RBFOX3: variants seen among roughly 807,000 people sequenced by gnomAD.
RBFOX3 encodes RNA binding protein fox-1 homolog 3.
Under a neutral mutation model 48.7 loss-of-function variants are expected in RBFOX3, and 17 were observed. The observed-to-expected ratio is 0.35, with a 90% CI of 0.24 to 0.52. RBFOX3 has a LOEUF of 0.52. Ranked by LOEUF, RBFOX3 falls within the 20% of genes least tolerant of loss-of-function variation. The pLI is 0.94. For missense variants in RBFOX3, 382 were observed against 497.5 expected (o/e 0.77, Z 2.21); for synonymous variants, 212 against 209.5 (o/e 1.01, Z -0.10).
chr17:79,108,111 T>C (rs2077759077), intron 5 of RBFOX3, among the ~76,000 whole-genome samples: 1 of 152,246 alleles, frequency 6.6e-6, no homozygotes, highest in African/African-American at 2.4e-5. Context: ...CTGGGCCTCC[T>C]GACACTCCCA....
intron 4 of RBFOX3, among the ~76,000 whole-genome samples, chr17:79,210,738 C>G (rs754500470): frequency 2.0e-5 from 3 of 152,240 alleles, no homozygotes; most frequent in African/African-American, 7.2e-5. Context: ...TCCATCTGCA[C>G]GTCTGGTGCC....
At chr17:79,507,310 C>T (rs1174475672) in intron 1 of RBFOX3, among the ~76,000 whole-genome samples, 1 of 152,192 alleles carries the variant, frequency 6.6e-6, no homozygotes, top group African/African-American at 2.4e-5. Context: ...GGGGCAGTCA[C>T]CCCCTGAAGA....
At chr17:79,448,940 TCA>T (rs2072912570) in intron 2 of RBFOX3, among the ~76,000 whole-genome samples, 1 of 152,004 alleles carries the variant, frequency 6.6e-6, no homozygotes, top group African/African-American at 2.4e-5. Flanking sequence ...TGAATTTGGC[TCA>T]GAGTTGACGT....
chr17:79,138,181 G>A (rs2040713387), intron 4 of RBFOX3, among the ~76,000 whole-genome samples: 1 of 152,154 alleles, frequency 6.6e-6, no homozygotes, highest in African/African-American at 2.4e-5. Context: ...TCCCACCGCA[G>A]GAGCAACCTG....
chr17:79,451,597 C>T (rs1408360492), intron 2 of RBFOX3, among the ~76,000 whole-genome samples: 2 of 152,180 alleles, frequency 1.3e-5, no homozygotes, highest in Admixed American at 6.5e-5. Flanking sequence ...GGATCACCTA[C>T]GAACCATCAC....
chr17:79,397,478 G>A (rs904309032), intron 2 of RBFOX3, among the ~76,000 whole-genome samples: 10 of 150,064 alleles, frequency 6.7e-5, no homozygotes, highest in African/African-American at 2.5e-4. Flanking sequence ...GGGCAACAGA[G>A]GAGGACTCCA....
chr17:79,442,721 A>G (rs1039512567), intron 2 of RBFOX3, among the ~76,000 whole-genome samples: 5 of 151,404 alleles, frequency 3.3e-5, no homozygotes, highest in African/African-American at 4.8e-5. Context: ...ACTATTAATA[A>G]TTGCCAGAGG....
intron 1 of RBFOX3, among the ~76,000 whole-genome samples, chr17:79,554,619 G>A (rs1439227670): frequency 6.6e-6 from 1 of 152,258 alleles, no homozygotes; most frequent in African/African-American, 2.4e-5. Context: ...CTAGGAGGTG[G>A]GGACCACGTC....
At chr17:79,153,417 T>G (rs749817880) in intron 4 of RBFOX3, among the ~76,000 whole-genome samples, 17 of 152,214 alleles carry the variant, frequency 1.1e-4, no homozygotes, top group Non-Finnish European at 1.8e-4. Flanking sequence ...AGCCCATTTT[T>G]GGGGCTGGTG....
At chr17:79,582,965 G>A (rs1470031801) in intron 1 of RBFOX3, among the ~76,000 whole-genome samples, 1 of 152,104 alleles carries the variant, frequency 6.6e-6, no homozygotes. Flanking sequence ...TGGGCCTCTG[G>A]TGCCCACTTC....
chr17:79,400,431 T>C (rs536815793), intron 2 of RBFOX3, among the ~76,000 whole-genome samples: 107 of 152,356 alleles, frequency 7.0e-4, no homozygotes, highest in African/African-American at 2.5e-3. Context: ...ACAAGGACAC[T>C]GGTCATGGTG....
At chr17:79,218,249 C>T (rs896437030) in intron 4 of RBFOX3, among the ~76,000 whole-genome samples, 2 of 151,780 alleles carry the variant, frequency 1.3e-5, no homozygotes, top group African/African-American at 4.8e-5. Context: ...GGGGTGGCAG[C>T]GTTTGGGTGC....
At position 79,210,305 on chromosome 17, in the gene RBFOX3, A is replaced by G. The variant is rs2058204618; in HGVS notation, c.-34+25461T>C. On this transcript the variant is annotated intron_variant, in intron 4 of 14. Transcript: ENST00000693108. The stretch of plus-strand genomic sequence containing the variant: ...CCCCCGGCGTCTTCACGCTAATGCC[A>G]CCGTCTTCATTTCTCTCTGGCTGCA... Among the ~76,000 whole-genome samples, 3 of 152,166 alleles carry G rather than the reference A, an allele frequency of 2.0e-5. No individual in the cohort carries two copies. In the South Asian group the frequency reaches 6.2e-4, roughly 32 times the overall value.
At chr17:79,414,767 G>A (rs994080800) in intron 2 of RBFOX3, among the ~76,000 whole-genome samples, 1 of 149,960 alleles carries the variant, frequency 6.7e-6, no homozygotes, top group Non-Finnish European at 1.5e-5. Context: ...AACAGCCTCT[G>A]CACTCCCGCT....
intron 2 of RBFOX3, among the ~76,000 whole-genome samples, chr17:79,388,046 G>A (rs1265232420): frequency 3.6e-5 from 5 of 140,462 alleles, no homozygotes; most frequent in African/African-American, 1.3e-4. Flanking sequence ...TTGTGTGCAT[G>A]TACATGTGTG....
chr17:79,485,920 G>A (rs1162644206), intron 1 of RBFOX3, among the ~76,000 whole-genome samples: 6 of 152,354 alleles, frequency 3.9e-5, no homozygotes, highest in East Asian at 1.9e-4. Flanking sequence ...GCTTGTCCCC[G>A]ATTGTAATGG....
intron 3 of RBFOX3, among the ~76,000 whole-genome samples, chr17:79,255,740 C>T (rs2064725571): frequency 6.6e-6 from 1 of 152,082 alleles, no homozygotes; most frequent in South Asian, 2.1e-4. Context: ...GCACCTGCAG[C>T]TCAGGGGCAG....
intron 1 of RBFOX3, among the ~76,000 whole-genome samples, chr17:79,498,146 C>CCTT (rs2081834464): frequency 6.6e-6 from 1 of 152,186 alleles, no homozygotes; most frequent in Admixed American, 6.5e-5. Flanking sequence ...AGAGAGAAGG[C>CCTT]CTTGCTATGT....
At chr17:79,216,893 T>C (rs1470791091) in intron 4 of RBFOX3, among the ~76,000 whole-genome samples, 1 of 152,096 alleles carries the variant, frequency 6.6e-6, no homozygotes, top group Non-Finnish European at 1.5e-5. Context: ...GCCCCTGCCA[T>C]TGAGCCCACT....
Sources: allele counts gnomAD v4.1 joint callset (sites outside exome capture counted in the v4.1 genomes callset), GRCh38; gene constraint gnomAD v4.1.1; transcripts MANE v1.5; gene names NCBI Gene and HGNC (gene_info 2026-07-23, HGNC 2026-07-21).